The following THSD7A variants were observed in gnomAD, a reference collection of about 807,000 sequenced individuals.
THSD7A encodes the protein thrombospondin type 1 domain containing 7A, also known as thrombospondin type-1 domain-containing protein 7A.
THSD7A carries 96 observed loss-of-function variants against 231.3 expected under a neutral mutation model. That is an observed-to-expected ratio of 0.41 (90% CI 0.35 to 0.49). THSD7A has a LOEUF of 0.49. Among genes scored for constraint, THSD7A ranks in the 20% least tolerant of loss-of-function variants. THSD7A has a pLI of 0.05. For missense variants in THSD7A, 2,290 were observed against 2,070.2 expected, an observed-to-expected ratio of 1.11 and a Z score of -2.06; for synonymous variants, 940 against 743.3, an observed-to-expected ratio of 1.26 and a Z score of -4.30.
intron 6 of THSD7A, among the ~76,000 whole-genome samples, chr7:11,493,970 A>G (rs1786999461): frequency 6.6e-6 from 1 of 152,094 alleles, no homozygotes; most frequent in Non-Finnish European, 1.5e-5. Flanking sequence ...ACACACACAC[A>G]TACACACAGA....
chr7:11,395,094 A>G (rs941972624), intron 23 of THSD7A, among the ~76,000 whole-genome samples: 15 of 152,138 alleles, frequency 9.9e-5, no homozygotes, highest in Non-Finnish European at 2.9e-5. Flanking sequence ...AAAGACACAC[A>G]TAGGCTTAAA....
chr7:11,679,303 C>T (rs184432078), intron 1 of THSD7A, among the ~76,000 whole-genome samples: 513 of 152,262 alleles, frequency 3.4e-3, no homozygotes, highest in African/African-American at 0.012. Flanking sequence ...CAAGGATGCC[C>T]TCACTCACCA....
intron 4 of THSD7A, among the ~76,000 whole-genome samples, chr7:11,574,596 G>A (rs975023532): frequency 4.0e-5 from 6 of 150,866 alleles, no homozygotes; most frequent in Admixed American, 2.6e-4. Flanking sequence ...CACCACGCCC[G>A]GCTAATTTTT....
chr7:11,483,427 T>C (rs1006646670), intron 6 of THSD7A, among the ~76,000 whole-genome samples: 1 of 152,186 alleles, frequency 6.6e-6, no homozygotes, highest in Non-Finnish European at 1.5e-5. Context: ...CTCATTAAAA[T>C]TGCAATTGAG....
At chr7:11,764,352 C>G (rs902815074) in intron 1 of THSD7A, among the ~76,000 whole-genome samples, 25 of 151,998 alleles carry the variant, frequency 1.6e-4, no homozygotes, top group Non-Finnish European at 3.5e-4. Flanking sequence ...GAGGCCGAGG[C>G]GGGTGGATCA....
chr7:11,454,998 T>G (rs1257209683), intron 11 of THSD7A, among the ~76,000 whole-genome samples: 1 of 151,998 alleles, frequency 6.6e-6, no homozygotes, highest in Non-Finnish European at 1.5e-5. Flanking sequence ...AAATCACCAA[T>G]GTGATGGTGG....
At chr7:11,394,047 C>T (rs74435294) in intron 23 of THSD7A, among the ~76,000 whole-genome samples, 2 of 151,990 alleles carry the variant, frequency 1.3e-5, no homozygotes, top group Admixed American at 1.3e-4. Context: ...GAAGAGCAAC[C>T]CCAAGACACA....
rs185498602 is a variant in THSD7A at position 11,739,575 on chromosome 7, T to A, written c.190+92182A>T. Among the ~76,000 whole-genome samples the A allele has an allele frequency of 4.6e-3, 698 of 152,034 alleles. 5 individuals are homozygous for A. The highest frequency in any genetic ancestry group is 0.016 in the African/African-American group (663 of 41,518). ...CATCATCATCTCTTTCTTTAAAATTTTTTTTTAAATTTGTATTTTTTTTTA... is the reference window on the plus strand; with the variant it reads ...CATCATCATCTCTTTCTTTAAAATTATTTTTTAAATTTGTATTTTTTTTTA... On this transcript the variant is annotated intron_variant, in intron 1 of 27. Transcript: ENST00000423059.
chr7:11,491,338 G>T (rs1432221225), intron 6 of THSD7A, among the ~76,000 whole-genome samples: 1 of 152,044 alleles, frequency 6.6e-6, no homozygotes, highest in African/African-American at 2.4e-5. Flanking sequence ...ACTGAAAGTT[G>T]TACTACACAA....
At chr7:11,784,727 G>C (rs1783733475) in intron 1 of THSD7A, among the ~76,000 whole-genome samples, 1 of 151,874 alleles carries the variant, frequency 6.6e-6, no homozygotes, top group South Asian at 2.1e-4. Flanking sequence ...ATGCATAGAG[G>C]TCCTGGAACT....
Position 11,541,519 on chromosome 7 carries a change from A to T in THSD7A, c.1722T>A (p.Tyr574Ter). 6.2e-7 allele frequency: 1 copy of T among 1,613,922 alleles called. No homozygotes were observed. The highest frequency in any genetic ancestry group is 8.5e-7 in the Non-Finnish European group (1 of 1,179,876). ...EAIPCEEPAC[Y>*]DWKAVRLGNC... The stretch of plus-strand genomic sequence containing the variant: ...TTCCCAGTCTCACTGCTTTCCAGTC[A>T]TAACAGGCAGGCTCTTCACAGGGAA... Residue 574 changes from tyrosine (Y) to a stop codon, truncating the protein, a stop_gained, in exon 6 of 28, where the codon TAT becomes TAA. Coordinates refer to ENST00000423059, the MANE Select transcript of THSD7A (RefSeq NM_015204.3). LOFTEE classifies it high-confidence loss of function.
chr7:11,571,800 T>C (rs931634562), intron 4 of THSD7A, among the ~76,000 whole-genome samples: 2 of 151,570 alleles, frequency 1.3e-5, no homozygotes, highest in African/African-American at 4.9e-5. Context: ...GTATGTATTG[T>C]ATCTTTTTTT....
chr7:11,784,039 T>C (rs1203177562), intron 1 of THSD7A, among the ~76,000 whole-genome samples: 2 of 152,004 alleles, frequency 1.3e-5, no homozygotes, highest in African/African-American at 4.8e-5. Context: ...TTGACTATAA[T>C]ATTAGAGTTA....
At chr7:11,609,307 A>G (rs1398547623) in intron 2 of THSD7A, among the ~76,000 whole-genome samples, 1 of 152,044 alleles carries the variant, frequency 6.6e-6, no homozygotes, top group Non-Finnish European at 1.5e-5. Context: ...CCCTTTCACT[A>G]TATAAATCTT....
chr7:11,475,148 G>A (rs1786106446), intron 7 of THSD7A, among the ~76,000 whole-genome samples: 1 of 152,148 alleles, frequency 6.6e-6, no homozygotes, highest in African/African-American at 2.4e-5. Context: ...GAATAAGAAA[G>A]TAGACTGGGC....
chr7:11,445,600 A>G (rs1413277309), intron 13 of THSD7A, among the ~76,000 whole-genome samples: 1 of 151,944 alleles, frequency 6.6e-6, no homozygotes, highest in Non-Finnish European at 1.5e-5. Context: ...ACTAGTTGCC[A>G]TCTTCTCTGC....
chr7:11,568,619 C>A (rs1435303476), intron 4 of THSD7A, among the ~76,000 whole-genome samples: 2 of 87,972 alleles, frequency 2.3e-5, no homozygotes, highest in Non-Finnish European at 2.1e-5. Flanking sequence ...AGTGAAACTC[C>A]GTCTCAAAAA....
At chr7:11,658,612 C>T (rs748330794) in intron 1 of THSD7A, among the ~76,000 whole-genome samples, 22 of 151,730 alleles carry the variant, frequency 1.4e-4, no homozygotes, top group Non-Finnish European at 2.7e-4. Flanking sequence ...TTACAGCTAT[C>T]GCAAGAAATC....
chr7:11,530,169 T>C (rs1224857046), intron 6 of THSD7A, among the ~76,000 whole-genome samples: 1 of 152,120 alleles, frequency 6.6e-6, no homozygotes, highest in Admixed American at 6.5e-5. Flanking sequence ...AAATTTCAAG[T>C]TTTTCTGTAC....
Sources: gnomAD v4.1 joint callset for allele counts (sites outside exome capture counted in the v4.1 genomes callset) on GRCh38, gnomAD v4.1.1 for gene constraint, MANE v1.5 for transcripts, NCBI Gene and HGNC (gene_info 2026-07-23, HGNC 2026-07-21) for gene names.